The following ERVV-2 variants were observed in gnomAD, a reference collection of about 807,000 sequenced individuals.
ERVV-2 encodes the protein endogenous retrovirus group V member 2 Env polyprotein.
For missense variants in ERVV-2, 291 were observed against 495.1 expected (o/e 0.59, Z 3.91); for synonymous variants, 105 against 184.6 (o/e 0.57, Z 3.49).
rs1051649472 is a variant in ERVV-2, at chr19:53,048,624, G to A, written c.-385-243G>A. 2.1e-5 allele frequency among the ~76,000 whole-genome samples: 3 copies of A among 140,834 alleles called. No individual in the cohort carries two copies. In the East Asian group the frequency reaches 6.2e-4, roughly 29 times the overall value. 92.4% of individuals were successfully genotyped at this position (140,834 alleles called of 152,430 possible). On this transcript the variant is annotated intron_variant, in intron 1 of 1. Transcript: ENST00000601417. Reference sequence around the variant, plus strand: ...TGGGAGGCGGAGGTTGCGGTGAGCCGAGATCCCGCCATTGCACTCCAGCCT... The same window carrying A: ...TGGGAGGCGGAGGTTGCGGTGAGCCAAGATCCCGCCATTGCACTCCAGCCT...
chr19:53,049,200 C>A lies in ERVV-2; in HGVS notation c.-52C>A. On this transcript the variant is annotated 5_prime_UTR_variant, in exon 2 of 2. Coordinates refer to ENST00000601417, the MANE Select transcript of ERVV-2 (RefSeq NM_001191055.2). ...CGAACCACTTCATTATTTGTCTCTC[C>A]TATTTTCAGCACTTTCCTTTTGCTT... 1 of 1,075,318 alleles carries A rather than the reference C, an allele frequency of 9.3e-7. No individual in the cohort carries two copies. 66.6% of individuals were successfully genotyped at this position (1,075,318 alleles called of 1,614,324 possible).
chr19:53,049,085 C>A lies in ERVV-2; in HGVS notation c.-167C>A. 1.3e-6 allele frequency: 1 copy of A among 744,050 alleles called. No homozygotes were observed. The highest frequency in any genetic ancestry group is 2.1e-6 in the Non-Finnish European group (1 of 468,074). The allele number at this position is 744,050 out of a possible 1,614,324, so 46.1% of individuals were successfully genotyped here. ...ATCTCAGTACGGGGAATCTTGGTTG[C>A]GGTGGCATTGGTTCTTCTCCTTATT... On this transcript the variant is annotated 5_prime_UTR_variant, in exon 2 of 2. Coordinates refer to ENST00000601417, the MANE Select transcript of ERVV-2 (RefSeq NM_001191055.2).
At chr19:53,046,729 A>T (rs762068265) in intron 1 of ERVV-2, among the ~76,000 whole-genome samples, 1 of 152,148 alleles carries the variant, frequency 6.6e-6, no homozygotes, top group Non-Finnish European at 1.5e-5. Context: ...TCCTGTAATC[A>T]TTAGTATTAG....
rs756703795 is a variant in ERVV-2, at chr19:53,050,666, T to C, written c.1415T>C (p.Leu472Pro). The C allele has an allele frequency of 1.4e-4, 208 of 1,496,234 alleles. No individual in the cohort carries two copies. Among genetic ancestry groups the C allele is most frequent in the Middle Eastern group, 1.7e-4 (1 of 5,924 alleles). The allele number at this position is 1,496,234 out of a possible 1,614,324, so 92.7% of individuals were successfully genotyped here. A position where few individuals can be genotyped will look rare whatever the true frequency, so the allele number is the denominator to read the frequency against. ...GCAACAGTTATACTCTTACTTTTCC[T>C]CTTTGGCCCTTGTTTCTTTAATTTA... ...GPATVILLLF[L>P]FGPCFFNLLI... The change falls in exon 2 of 2, where the codon CTC becomes CCC. Residue 472 changes from leucine to proline, a missense_variant. By Grantham distance (98) the Leu-to-Pro change is moderately conservative. Transcript: ENST00000601417.
intron 1 of ERVV-2, 46 bp from the exon 2 acceptor site, chr19:53,048,821 C>G (rs2083900556): frequency 3.5e-6 from 1 of 289,300 alleles, no homozygotes; most frequent in South Asian, 4.3e-5. Flanking sequence ...GGTCTCAACT[C>G]CCTTATGGAA....
rs928688769 is a variant in ERVV-2, at chr19:53,045,302, A to ATT, written c.-386+352_-386+353dup. Among the ~76,000 whole-genome samples, 11 of 137,488 alleles carry ATT rather than the reference A, an allele frequency of 8.0e-5. No individual in the cohort carries two copies. The East Asian group carries it at 1.5e-3, about 19-fold the overall frequency. 90.2% of individuals were successfully genotyped at this position (137,488 alleles called of 152,430 possible). On this transcript the variant is annotated intron_variant, in intron 1 of 1. Transcript: ENST00000601417. ...CTGTGCAGTGACTGGGGAGCTTCAT[A>ATT]TTTTTTTTTGTGGGGGGGAGGACAG...
chr19:53,049,165 A>G lies in ERVV-2; in HGVS notation c.-87A>G, dbSNP rs149884507. 1,449 of 1,143,064 alleles carry G rather than the reference A, an allele frequency of 1.3e-3. 255 individuals carry two copies. The highest frequency in any genetic ancestry group is 1.6e-3 in the Non-Finnish European group (1,317 of 812,702). The allele number at this position is 1,143,064 out of a possible 1,614,324, so 70.8% of individuals were successfully genotyped here. On this transcript the variant is annotated 5_prime_UTR_variant, in exon 2 of 2. Transcript: ENST00000601417. ...CCGATAACAGCCTGATTTCTCACTA[A>G]ACACTCCATCGAACCACTTCATTAT...
At chr19:53,047,566 C>T (rs2083895958) in intron 1 of ERVV-2, among the ~76,000 whole-genome samples, 1 of 152,148 alleles carries the variant, frequency 6.6e-6, no homozygotes, top group Admixed American at 6.5e-5. Context: ...CTGAGCAAAA[C>T]AATAGGAAGA....
In ERVV-2 at chr19:53,051,421, T is replaced by G. The variant is rs1444248417; in HGVS notation, c.*562T>G. On this transcript the variant is annotated 3_prime_UTR_variant, in exon 2 of 2. Coordinates refer to ENST00000601417, the MANE Select transcript of ERVV-2 (RefSeq NM_001191055.2). ...TCGGCCTCCTAAAGTGCTGGGATTA[T>G]AGACGTGAGCCACTGCGCCTGGCTA... is the stretch of plus-strand genomic sequence containing the variant. Among the ~76,000 whole-genome samples, 2 of 152,008 alleles carry G rather than the reference T, an allele frequency of 1.3e-5. No homozygotes were observed. Among genetic ancestry groups the G allele is most frequent in the Non-Finnish European group, 2.9e-5 (2 of 67,996 alleles).
chr19:53,047,910 A>G (rs534946249), intron 1 of ERVV-2, among the ~76,000 whole-genome samples: 5 of 152,214 alleles, frequency 3.3e-5, no homozygotes, highest in Non-Finnish European at 5.9e-5. Flanking sequence ...TTAAATGTTA[A>G]TACCATATTC....
chr19:53,050,511 A>T lies in ERVV-2; in HGVS notation c.1260A>T (p.Ile420=), dbSNP rs538921256. ...ACAGTGGGGCGATAGAGGAGGATAT[A>T]AAAAAGATCTATGATGAGGCTACGT... ...VNNSGAIEED[I]KKIYDEATWL... is the part of the protein sequence containing the mutation. Residue 420 remains isoleucine, a synonymous_variant, in exon 2 of 2, where the codon ATA becomes ATT. Coordinates refer to ENST00000601417, the MANE Select transcript of ERVV-2 (RefSeq NM_001191055.2). The T allele has an allele frequency of 1.1e-5, 8 of 729,218 alleles. No homozygotes were observed. Among genetic ancestry groups the T allele is most frequent in the Non-Finnish European group, 4.9e-6 (2 of 409,062 alleles). 45.2% of individuals were successfully genotyped at this position (729,218 alleles called of 1,614,324 possible).
chr19:53,051,117 A>T lies in ERVV-2; in HGVS notation c.*258A>T. 1 of 290,222 alleles carries T rather than the reference A, an allele frequency of 3.4e-6. No individual in the cohort carries two copies. The highest frequency in any genetic ancestry group is 6.1e-6 in the Non-Finnish European group (1 of 164,928). The allele number at this position is 290,222 out of a possible 1,614,324, so 18.0% of individuals were successfully genotyped here. On this transcript the variant is annotated 3_prime_UTR_variant, in exon 2 of 2. Coordinates refer to ENST00000601417, the MANE Select transcript of ERVV-2 (RefSeq NM_001191055.2). ...ACAGTCAGCACTTCTCTAATAACCCATCCTAGAACAGCCTTTTGCTTTTTT... is the reference window on the plus strand; with the variant it reads ...ACAGTCAGCACTTCTCTAATAACCCTTCCTAGAACAGCCTTTTGCTTTTTT...
chr19:53,046,270 A>AAAAG (rs542584207), intron 1 of ERVV-2, among the ~76,000 whole-genome samples: 1 of 151,952 alleles, frequency 6.6e-6, no homozygotes, highest in African/African-American at 2.4e-5. Context: ...CTGAAAAAAA[A>AAAAG]AAAGAAAGAA....
chr19:53,049,876 T>A lies in ERVV-2; in HGVS notation c.625T>A (p.Trp209Arg). 1.3e-6 allele frequency: 2 copies of A among 1,534,678 alleles called. No homozygotes were observed. The highest frequency in any genetic ancestry group is 1.7e-4 in the Middle Eastern group (1 of 5,982). Residue 209 changes from tryptophan (W) to arginine (R), a missense_variant, in exon 2 of 2, where the codon TGG (tryptophan) becomes AGG (arginine). Transcript: ENST00000601417. ...TCCCAAGGCACACACTGTCCCCACA[T>A]GGCCAAAATCTACTGTTCCCCTGGG... ...SLPKAHTVPT[W>R]PKSTVPLGGP...
chr19:53,045,596 C>T (rs914726331), intron 1 of ERVV-2, among the ~76,000 whole-genome samples: 12 of 152,232 alleles, frequency 7.9e-5, no homozygotes, highest in Non-Finnish European at 1.5e-4. Context: ...CCACTGCGAC[C>T]GGCGCATATC....
At position 53,049,042 on chromosome 19, in the gene ERVV-2, C is replaced by T. The variant is rs2083901585; in HGVS notation, c.-210C>T. On this transcript the variant is annotated 5_prime_UTR_variant, in exon 2 of 2. Coordinates refer to ENST00000601417, the MANE Select transcript of ERVV-2 (RefSeq NM_001191055.2). ...AGATAAGTAAAGCCTTCTCTCTGTT[C>T]ACCCAAAACTAAAGTCAATCTCAGT... The T allele has an allele frequency of 2.5e-5, 17 of 688,338 alleles. No homozygotes were observed. The South Asian group carries it at 3.0e-4, about 12-fold the overall frequency. 42.6% of individuals were successfully genotyped at this position (688,338 alleles called of 1,614,324 possible).
At chr19:53,045,131 C>T (rs548392415) in intron 1 of ERVV-2, among the ~76,000 whole-genome samples, 173 bp downstream of exon 1, 4 of 152,320 alleles carry the variant, frequency 2.6e-5, no homozygotes, top group African/African-American at 9.6e-5. Context: ...GCCACTGTCA[C>T]TCTGCTCCCT....
At position 53,050,028 on chromosome 19, in the gene ERVV-2, G is replaced by A; in HGVS notation, c.777G>A (p.Gly259=). 1.3e-6 allele frequency: 2 copies of A among 1,484,424 alleles called. No homozygotes were observed. The highest frequency in any genetic ancestry group is 1.8e-6 in the Non-Finnish European group (2 of 1,112,240). The allele number at this position is 1,484,424 out of a possible 1,614,324, so 92.0% of individuals were successfully genotyped here. A position where few individuals can be genotyped will look rare whatever the true frequency, so the allele number is the denominator to read the frequency against. The change falls in exon 2 of 2, where the codon GGG becomes GGA. Residue 259 remains glycine (G), a synonymous_variant. Transcript: ENST00000601417. Reference sequence around the variant, plus strand: ...CTCCTGGCTATGTATTTTTATGTGGGCCACAAAAAAATAAACTGCCCTTTG... The same window carrying A: ...CTCCTGGCTATGTATTTTTATGTGGACCACAAAAAAATAAACTGCCCTTTG... The part of the protein sequence containing the change: ...CTPPGYVFLC[G]PQKNKLPFDG...
At chr19:53,046,674 C>T (rs535213946) in intron 1 of ERVV-2, among the ~76,000 whole-genome samples, 3 of 152,324 alleles carry the variant, frequency 2.0e-5, no homozygotes, top group Admixed American at 6.5e-5. Context: ...GTATAAACCC[C>T]AAGGAACCTT....
Sources: gnomAD v4.1 joint callset for allele counts (sites outside exome capture counted in the v4.1 genomes callset) on GRCh38, gnomAD v4.1.1 for gene constraint, MANE v1.5 for transcripts, NCBI Gene and HGNC (gene_info 2026-07-23, HGNC 2026-07-21) for gene names.